The following NALCN variants were observed in gnomAD, a reference collection of about 807,000 sequenced individuals.
The protein encoded by NALCN is sodium leak channel, non-selective, also known as sodium leak channel NALCN.
In NALCN, 111 loss-of-function variants were observed where a neutral mutation model predicts 225.3. The observed-to-expected ratio is 0.49, with a 90% CI of 0.42 to 0.58. The LOEUF is 0.58. NALCN is among the 20% of genes least tolerant of loss of function. The pLI is 0.00. For missense variants in NALCN, 1,378 were observed against 2,202.4 expected (o/e 0.63, Z 7.49); for synonymous variants, 764 against 769.0 (o/e 0.99, Z 0.11).
At chr13:101,337,378 G>A (rs183102978) in intron 7 of NALCN, among the ~76,000 whole-genome samples, 21 of 151,350 alleles carry the variant, frequency 1.4e-4, no homozygotes, top group East Asian at 3.9e-4. Flanking sequence ...GCTCAATCTC[G>A]GCTTACTGTA....
intron 13 of NALCN, among the ~76,000 whole-genome samples, chr13:101,213,739 A>G (rs1056945503): frequency 6.6e-5 from 10 of 152,322 alleles, no homozygotes; most frequent in Admixed American, 5.9e-4. Context: ...CAAAACCACA[A>G]TGAGATGCCA....
At chr13:101,143,292 A>T in intron 16 of NALCN, 71 bp from the exon 17 acceptor site, 1 of 1,472,748 alleles carries the variant, frequency 6.8e-7, no homozygotes, top group Non-Finnish European at 9.1e-7. Flanking sequence ...TTTTGCAATG[A>T]TGAGTTTGCT....
At chr13:101,091,822 A>C (rs1467611678) in intron 28 of NALCN, among the ~76,000 whole-genome samples, 1 of 152,198 alleles carries the variant, frequency 6.6e-6, no homozygotes, top group African/African-American at 2.4e-5. Context: ...CAGCCACTGA[A>C]ACTACTGTTA....
intron 2 of NALCN, among the ~76,000 whole-genome samples, chr13:101,398,091 T>C (rs1340050897): frequency 6.6e-6 from 1 of 152,060 alleles, no homozygotes; most frequent in Non-Finnish European, 1.5e-5. Flanking sequence ...ACAGGTTAGG[T>C]CCTGAATGAA....
intron 6 of NALCN, among the ~76,000 whole-genome samples, chr13:101,355,048 G>C (rs540062991): frequency 2.6e-5 from 4 of 152,078 alleles, no homozygotes; most frequent in Admixed American, 2.6e-4. Context: ...ATTTACAAGT[G>C]TAGGGCACCT....
At chr13:101,068,567 C>G in intron 38 of NALCN, 128 bp downstream of exon 38, 1 of 1,022,166 alleles carries the variant, frequency 9.8e-7, no homozygotes, top group Non-Finnish European at 1.3e-6. Flanking sequence ...GATTGAGAGA[C>G]AACAATTTAT....
intron 6 of NALCN, among the ~76,000 whole-genome samples, chr13:101,361,161 A>T (rs1409571574): frequency 1.3e-5 from 2 of 152,116 alleles, no homozygotes; most frequent in Non-Finnish European, 2.9e-5. Flanking sequence ...TAATTTTCAA[A>T]ATTTACTCTT....
At chr13:101,332,697 C>A (rs1473106959) in intron 7 of NALCN, among the ~76,000 whole-genome samples, 1 of 152,166 alleles carries the variant, frequency 6.6e-6, no homozygotes, top group Non-Finnish European at 1.5e-5. Flanking sequence ...ACGTAATTCT[C>A]TAAAGATTAT....
intron 10 of NALCN, among the ~76,000 whole-genome samples, chr13:101,261,235 T>C (rs1338639982): frequency 1.3e-5 from 2 of 152,238 alleles, no homozygotes. Flanking sequence ...TCTGTTTTTA[T>C]GGCAGTACCA....
intron 17 of NALCN, among the ~76,000 whole-genome samples, chr13:101,133,996 C>T (rs981694609): frequency 6.6e-6 from 1 of 151,928 alleles, no homozygotes; most frequent in South Asian, 2.1e-4. Context: ...GGTGAAACCC[C>T]GTCTCTACTA....
intron 13 of NALCN, among the ~76,000 whole-genome samples, chr13:101,210,521 AT>A (rs141338150): frequency 1.3e-5 from 2 of 151,786 alleles, no homozygotes; most frequent in South Asian, 2.1e-4. Flanking sequence ...CTGTAATATG[AT>A]TTTTTTTTAC....
rs757097942 is a variant in NALCN, at chr13:101,395,367, T to C, written c.109-2A>G. On this transcript the variant is annotated splice_acceptor_variant, in intron 2 of 43. Transcript: ENST00000251127. LOFTEE classifies it high-confidence loss of function. ...GATGCGCAGCAAAGAGTGAACCCAC[T>C]GCAATGATGGTCCAGAGTTACTACA... 3 of 1,613,016 alleles carry C rather than the reference T, an allele frequency of 1.9e-6. No individual in the cohort carries two copies. Among genetic ancestry groups the C allele is most frequent in the Non-Finnish European group, 2.5e-6 (3 of 1,179,444 alleles).
At chr13:101,182,992 C>A (rs1489488158) in intron 14 of NALCN, among the ~76,000 whole-genome samples, 1 of 152,186 alleles carries the variant, frequency 6.6e-6, no homozygotes, top group Non-Finnish European at 1.5e-5. Context: ...TGGATTTGGA[C>A]TGAAAGAGCA....
intron 15 of NALCN, among the ~76,000 whole-genome samples, chr13:101,145,920 G>T (rs2037324700): frequency 6.6e-6 from 1 of 152,132 alleles, no homozygotes; most frequent in South Asian, 2.1e-4. Flanking sequence ...GTTGGGTATG[G>T]TTTTACTCTA....
At chr13:101,060,273 C>CTTTTTTTTT (rs1566768228) in intron 41 of NALCN, among the ~76,000 whole-genome samples, 28 of 49,286 alleles carry the variant, frequency 5.7e-4, no homozygotes, top group South Asian at 2.3e-3. Flanking sequence ...TTGGTGTTTT[C>CTTTTTTTTT]TGTTTTTTTT....
chr13:101,192,678 C>A, intron 13 of NALCN, among the ~76,000 whole-genome samples: 1 of 147,592 alleles, frequency 6.8e-6, no homozygotes, highest in Admixed American at 6.6e-5. Context: ...AACAAACAAA[C>A]AAACAAAAAA....
intron 7 of NALCN, among the ~76,000 whole-genome samples, chr13:101,344,905 T>G (rs2045668832): frequency 6.6e-6 from 1 of 152,196 alleles, no homozygotes; most frequent in South Asian, 2.1e-4. Context: ...TAGGGTATAG[T>G]TACATAGTTA....
intron 15 of NALCN, among the ~76,000 whole-genome samples, chr13:101,155,443 A>G (rs2037856146): frequency 6.6e-6 from 1 of 152,194 alleles, no homozygotes; most frequent in Admixed American, 6.6e-5. Flanking sequence ...GGTAATTTGC[A>G]GAGTGTCCCC....
chr13:101,262,870 GT>G (rs2042477077), intron 10 of NALCN, among the ~76,000 whole-genome samples: 1 of 152,164 alleles, frequency 6.6e-6, no homozygotes, highest in African/African-American at 2.4e-5. Context: ...GGAGAAAATA[GT>G]ACCTACTCCA....
Sources: allele counts gnomAD v4.1 joint callset (sites outside exome capture counted in the v4.1 genomes callset), GRCh38; gene constraint gnomAD v4.1.1; transcripts MANE v1.5; gene names NCBI Gene and HGNC (gene_info 2026-07-23, HGNC 2026-07-21).